The following FSTL4 variants were observed in gnomAD, a reference collection of about 807,000 sequenced individuals.
FSTL4 encodes follistatin like 4.
In FSTL4, 28 loss-of-function variants were observed where a neutral mutation model predicts 78.2. The observed-to-expected ratio is 0.36, with a 90% confidence interval of 0.27 to 0.49. The LOEUF is 0.49. FSTL4 is among the 20% of genes least tolerant of loss of function. The probability of loss-of-function intolerance (pLI) is 0.98; values close to 1 mark genes in which losing one functional copy is unlikely to be tolerated. For missense variants in FSTL4, 922 were observed against 1,084.9 expected (o/e 0.85, Z 2.11); for synonymous variants, 422 against 440.5 (o/e 0.96, Z 0.53).
chr5:133,756,660 G>A, the FSTL4 span, among the ~76,000 whole-genome samples: 853 of 152,254 alleles, frequency 5.6e-3, 10 homozygotes, highest in African/African-American at 0.019. Context: ...CCGGCATGGA[G>A]GTGGGGGAGG....
At chr5:133,216,865 TCA>T (rs553113048) in intron 13 of FSTL4, among the ~76,000 whole-genome samples, 30 of 152,336 alleles carry the variant, frequency 2.0e-4, no homozygotes, top group African/African-American at 7.2e-4. Flanking sequence ...GTGCCTTCTC[TCA>T]GAGTCTCGGT....
chr5:133,327,182 G>C (rs1049615927), intron 4 of FSTL4, among the ~76,000 whole-genome samples: 1 of 152,198 alleles, frequency 6.6e-6, no homozygotes, highest in Non-Finnish European at 1.5e-5. Context: ...GTTTACTCTG[G>C]CTTTCCCTAG....
chr5:133,204,374 C>T (rs370999944), intron 14 of FSTL4, among the ~76,000 whole-genome samples: 2 of 152,080 alleles, frequency 1.3e-5, no homozygotes, highest in Non-Finnish European at 2.9e-5. Context: ...TATTTAGAAA[C>T]AATATTAGGA....
At chr5:133,574,414 T>TC (rs2112951293) in intron 2 of FSTL4, among the ~76,000 whole-genome samples, 1 of 152,342 alleles carries the variant, frequency 6.6e-6, no homozygotes, top group South Asian at 2.1e-4. Context: ...GAGAGGCTCC[T>TC]CCCCTGGAGA....
chr5:133,399,573 G>A (rs755876812), intron 4 of FSTL4, among the ~76,000 whole-genome samples: 8 of 152,174 alleles, frequency 5.3e-5, no homozygotes, highest in Admixed American at 6.5e-5. Context: ...CCATGAATCC[G>A]CCTCCGCTCA....
At chr5:133,329,163 G>A (rs1352200637) in intron 4 of FSTL4, among the ~76,000 whole-genome samples, 1 of 152,194 alleles carries the variant, frequency 6.6e-6, no homozygotes, top group African/African-American at 2.4e-5. Flanking sequence ...GCACATGCAA[G>A]GAGTCTCTAT....
intron 7 of FSTL4, among the ~76,000 whole-genome samples, chr5:133,239,508 G>A: frequency 6.6e-6 from 1 of 152,208 alleles, no homozygotes; most frequent in East Asian, 1.9e-4. Flanking sequence ...CTAGCTCAAG[G>A]TTTGTCAACA....
chr5:133,331,119 C>T (rs992959468), intron 4 of FSTL4, among the ~76,000 whole-genome samples: 2 of 152,168 alleles, frequency 1.3e-5, no homozygotes, highest in Admixed American at 6.5e-5. Flanking sequence ...CAGCAAGCCC[C>T]GCTGAGAGGG....
chr5:133,825,587 C>T, the FSTL4 span, among the ~76,000 whole-genome samples: 13 of 152,210 alleles, frequency 8.5e-5, no homozygotes, highest in African/African-American at 2.4e-4. Context: ...ATAAAACTAT[C>T]CGCGGGGGTG....
chr5:133,345,699 T>C (rs899782991), intron 4 of FSTL4, among the ~76,000 whole-genome samples: 7 of 152,154 alleles, frequency 4.6e-5, no homozygotes, highest in African/African-American at 1.7e-4. Flanking sequence ...TGAGATACCA[T>C]CTTACACCAG....
At chr5:133,776,503 C>A in the FSTL4 span, among the ~76,000 whole-genome samples, 1 of 152,154 alleles carries the variant, frequency 6.6e-6, no homozygotes, top group African/African-American at 2.4e-5. Context: ...CCACAGTATT[C>A]TAAATAGCCC....
the FSTL4 span, among the ~76,000 whole-genome samples, chr5:133,826,811 A>G: frequency 6.6e-6 from 1 of 152,234 alleles, no homozygotes; most frequent in East Asian, 1.9e-4. Context: ...GAATAAAACA[A>G]GAGTCTGGCT....
At chr5:133,241,116 T>G (rs190464337) in intron 7 of FSTL4, among the ~76,000 whole-genome samples, 2 of 152,356 alleles carry the variant, frequency 1.3e-5, no homozygotes, top group African/African-American at 4.8e-5. Flanking sequence ...GTGACTCCAC[T>G]GGGAGAGGAG....
chr5:133,742,975 T>C, the FSTL4 span, among the ~76,000 whole-genome samples: 1 of 152,234 alleles, frequency 6.6e-6, no homozygotes, highest in South Asian at 2.1e-4. Context: ...TTGTGGCTTT[T>C]CAATTCTCTG....
intron 4 of FSTL4, among the ~76,000 whole-genome samples, chr5:133,369,929 C>T (rs1755256655): frequency 6.6e-6 from 1 of 152,162 alleles, no homozygotes. Flanking sequence ...ACCTCCCTCC[C>T]TCCCTCCCCA....
At chr5:133,258,066 C>T (rs1752426244) in intron 6 of FSTL4, among the ~76,000 whole-genome samples, 1 of 152,166 alleles carries the variant, frequency 6.6e-6, no homozygotes, top group South Asian at 2.1e-4. Context: ...AAGAGGGGGC[C>T]ATGCTGTGTG....
chr5:133,470,790 AT>A (rs1757810607), intron 3 of FSTL4, among the ~76,000 whole-genome samples: 1 of 149,930 alleles, frequency 6.7e-6, no homozygotes, highest in Non-Finnish European at 1.5e-5. Flanking sequence ...ATAAAATAAA[AT>A]AAAATAAAAT....
the FSTL4 span, among the ~76,000 whole-genome samples, chr5:133,740,875 A>G: frequency 6.6e-5 from 10 of 152,272 alleles, no homozygotes; most frequent in Non-Finnish European, 1.3e-4. Flanking sequence ...GTGCAGGACC[A>G]TCTGGGCAGA....
chr5:133,324,133 T>C (rs1000858919), intron 4 of FSTL4, among the ~76,000 whole-genome samples: 3 of 152,174 alleles, frequency 2.0e-5, no homozygotes, highest in Non-Finnish European at 2.9e-5. Flanking sequence ...GGAGACATTG[T>C]AAATATTCCA....
Sources: allele counts gnomAD v4.1 joint callset (sites outside exome capture counted in the v4.1 genomes callset), GRCh38; gene constraint gnomAD v4.1.1; transcripts MANE v1.5; gene names NCBI Gene and HGNC (gene_info 2026-07-23, HGNC 2026-07-21).